Variants in WDR1 observed in about 807,000 individuals in gnomAD.
WDR1 encodes WD repeat domain 1.
In WDR1, 21 loss-of-function variants were observed where a neutral mutation model predicts 71.9. The ratio of observed to expected loss-of-function variants is 0.29; its 90% CI spans 0.21 to 0.42. The LOEUF (loss-of-function observed/expected upper bound fraction) is 0.42, where lower values mean the gene tolerates loss of function less well. Ranked by LOEUF, WDR1 falls within the 10% of genes least tolerant of loss-of-function variation. WDR1 has a pLI of 1.00. For missense variants in WDR1, 696 were observed against 824.5 expected, an observed-to-expected ratio of 0.84 and a Z score of 1.91; for synonymous variants, 424 against 347.4, an observed-to-expected ratio of 1.22 and a Z score of -2.45.
In WDR1 at chr4:10,078,979, C is replaced by T; in HGVS notation, c.1307G>A (p.Arg436Lys). ...GGGGTTGTCGATGCTGAAGCACTTC[C>T]TCTGATCCTTCAGCAGGACAATCTG... is the stretch of plus-strand genomic sequence containing the variant. Reference protein sequence around the residue: ...IGQIVLLKDQRKCFSIDNPGY... With the variant: ...IGQIVLLKDQKKCFSIDNPGY... The change falls in exon 12 of 15, where the codon AGG (arginine) becomes AAG (lysine). Residue 436 changes from arginine (R) to lysine (K), a missense_variant. Transcript: ENST00000499869. The T allele has an allele frequency of 6.2e-7, 1 of 1,610,518 alleles. No homozygotes were observed. The highest frequency in any genetic ancestry group is 8.5e-7 in the Non-Finnish European group (1 of 1,177,950).
chr4:10,109,001 C>G (rs1250434518), intron 2 of WDR1, among the ~76,000 whole-genome samples: 1 of 152,268 alleles, frequency 6.6e-6, no homozygotes, highest in Non-Finnish European at 1.5e-5. Context: ...CAAATACCGA[C>G]AAAGACCAGA....
At chr4:10,082,615 A>C in intron 10 of WDR1, among the ~76,000 whole-genome samples, 1 of 151,604 alleles carries the variant, frequency 6.6e-6, no homozygotes, top group East Asian at 2.0e-4. Flanking sequence ...CTTGAGCAGA[A>C]GGGGAATGCT....
intron 10 of WDR1, among the ~76,000 whole-genome samples, chr4:10,081,694 T>C (rs373532689): frequency 6.7e-5 from 8 of 119,802 alleles, no homozygotes; most frequent in African/African-American, 2.1e-4. Context: ...CGGGAGGCGG[T>C]GAAAGGCGTT....
chr4:10,090,538 A>C (rs1237459403), intron 5 of WDR1, among the ~76,000 whole-genome samples: 3 of 152,206 alleles, frequency 2.0e-5, no homozygotes, highest in African/African-American at 4.8e-5. Context: ...CCTGTGGCAC[A>C]AAAGCAACCC....
chr4:10,077,699 C>T, intron 13 of WDR1, 54 bp downstream of exon 13: 3 of 1,492,812 alleles, frequency 2.0e-6, no homozygotes, highest in Non-Finnish European at 2.7e-6. Flanking sequence ...TAACCTCCCA[C>T]TGCCACCTGC....
chr4:10,080,136 G>A (rs1417426798), intron 11 of WDR1, among the ~76,000 whole-genome samples: 5 of 152,150 alleles, frequency 3.3e-5, no homozygotes, highest in Non-Finnish European at 4.4e-5. Context: ...AACCCTACCG[G>A]GGTCCTTTCT....
chr4:10,108,379 TAG>T (rs768353841), intron 2 of WDR1: 10 of 152,208 alleles, frequency 6.6e-5, no homozygotes, highest in Admixed American at 1.3e-4. Context: ...TGGAACATGC[TAG>T]AAGGTTGGAG....
At chr4:10,086,448 G>C (rs987712081) in intron 8 of WDR1, among the ~76,000 whole-genome samples, 1 of 152,216 alleles carries the variant, frequency 6.6e-6, no homozygotes, top group Non-Finnish European at 1.5e-5. Flanking sequence ...AGGTGACCTG[G>C]TCCGTAGGAG....
Position 10,084,513 on chromosome 4 carries a change from G to C in WDR1, c.969C>G (p.Ile323Met). 1 of 1,613,900 alleles carries C rather than the reference G, an allele frequency of 6.2e-7. No homozygotes were observed. The highest frequency in any genetic ancestry group is 8.5e-7 in the Non-Finnish European group (1 of 1,179,792). The change falls in exon 9 of 15, where the codon ATC becomes ATG. Residue 323 changes from isoleucine (I) to methionine (M), a missense_variant. By Grantham distance (10) the Ile-to-Met change is conservative (BLOSUM62 1). Transcript: ENST00000499869. ...CGTTTTTATGCACCGTCAGACACTGGATCGATTTACTGTGACCCTGTGAAG... is the reference window on the plus strand; with the variant it reads ...CGTTTTTATGCACCGTCAGACACTGCATCGATTTACTGTGACCCTGTGAAG... ...LHVIKGHSKS[I>M]QCLTVHKNGG...
chr4:10,079,660 C>G (rs997125985), intron 11 of WDR1, among the ~76,000 whole-genome samples: 11 of 152,344 alleles, frequency 7.2e-5, no homozygotes, highest in African/African-American at 2.4e-4. Flanking sequence ...GCCTTCATCT[C>G]TGAGTTTTGC....
At chr4:10,078,222 G>A (rs1225864257) in intron 12 of WDR1, among the ~76,000 whole-genome samples, 2 of 152,202 alleles carry the variant, frequency 1.3e-5, no homozygotes, top group Admixed American at 6.5e-5. Flanking sequence ...GAAGGACCTG[G>A]CAGCACATAG....
intron 5 of WDR1, chr4:10,096,684 T>C (rs1712369549): frequency 6.6e-6 from 1 of 152,282 alleles, no homozygotes; most frequent in African/African-American, 2.4e-5. Context: ...AGGCTATTTA[T>C]GATTCATGGC....
chr4:10,078,788 C>A, intron 12 of WDR1, 103 bp downstream of exon 12: 1 of 1,008,834 alleles, frequency 9.9e-7, no homozygotes, highest in Non-Finnish European at 1.5e-6. Context: ...CCCCTGACCC[C>A]TCGCCTTCCC....
intron 9 of WDR1, chr4:10,083,483 G>T (rs929122976): frequency 5.7e-6 from 3 of 529,558 alleles, no homozygotes; most frequent in Non-Finnish European, 1.1e-5. Context: ...TCGGGTAGGC[G>T]CAACCCTCTA....
At chr4:10,113,536 C>A (rs1006669658) in intron 2 of WDR1, among the ~76,000 whole-genome samples, 4 of 152,178 alleles carry the variant, frequency 2.6e-5, no homozygotes, top group East Asian at 3.9e-4. Context: ...TGGCTTTCAC[C>A]GAGGTGGGAA....
chr4:10,081,815 C>T (rs1765026833), intron 10 of WDR1, among the ~76,000 whole-genome samples: 1 of 152,142 alleles, frequency 6.6e-6, no homozygotes, highest in Non-Finnish European at 1.5e-5. Flanking sequence ...CAGAATTGAG[C>T]TCTGCTCCCC....
At chr4:10,111,125 G>A (rs185584476) in intron 2 of WDR1, among the ~76,000 whole-genome samples, 51 of 152,290 alleles carry the variant, frequency 3.3e-4, no homozygotes, top group Middle Eastern at 6.8e-3. Flanking sequence ...CTTACCGTAG[G>A]CTGGATCTGA....
chr4:10,093,125 G>A (rs552740651), intron 5 of WDR1: 17 of 1,289,394 alleles, frequency 1.3e-5, no homozygotes, highest in Middle Eastern at 2.1e-4. Context: ...ACAGAGCGCT[G>A]CAGGCCCCAG....
rs774797358 is a variant in WDR1, at chr4:10,075,370, G to A, written c.*8C>T. ...ATTCGGTCCATCCAGAGGCGGGGGTGGGGCTCCTCAGTAGGTGATTGTCCA... is the reference window on the plus strand; with the variant it reads ...ATTCGGTCCATCCAGAGGCGGGGGTAGGGCTCCTCAGTAGGTGATTGTCCA... On this transcript the variant is annotated 3_prime_UTR_variant, in exon 15 of 15. Coordinates refer to ENST00000499869, the MANE Select transcript of WDR1 (RefSeq NM_017491.5). 6.2e-7 allele frequency: 1 copy of A among 1,611,354 alleles called. No homozygotes were observed. Among genetic ancestry groups the A allele is most frequent in the Admixed American group, 1.7e-5 (1 of 59,950 alleles).
Sources: allele counts gnomAD v4.1 joint callset (sites outside exome capture counted in the v4.1 genomes callset), GRCh38; gene constraint gnomAD v4.1.1; transcripts MANE v1.5; gene names NCBI Gene and HGNC (gene_info 2026-07-23, HGNC 2026-07-21).